Variants in FAM83D observed in about 807,000 individuals in gnomAD.
FAM83D encodes protein FAM83D.
Under a neutral mutation model 25.4 loss-of-function variants are expected in FAM83D, and 26 were observed. The observed-to-expected ratio is 1.02, with a 90% CI of 0.75 to 1.42. The LOEUF is 1.42. Among genes scored for constraint, FAM83D ranks in the 40% most tolerant of loss-of-function variants. The pLI, the probability that FAM83D is intolerant of heterozygous loss-of-function variation, is 0.00. For synonymous variants in FAM83D, 310 were observed against 318.5 expected, an observed-to-expected ratio of 0.97 and a Z score of 0.28; for missense variants, 740 against 758.1, an observed-to-expected ratio of 0.98 and a Z score of 0.28.
chr20:38,927,108 C>T (rs1040438906), intron 1 of FAM83D, among the ~76,000 whole-genome samples, 183 bp downstream of exon 1: 3 of 152,214 alleles, frequency 2.0e-5, no homozygotes, highest in Admixed American at 6.5e-5. Context: ...CCCCGGATCC[C>T]CCGGGCCGCT....
At chr20:38,945,825 CAATT>C (rs1361311793) in intron 2 of FAM83D, among the ~76,000 whole-genome samples, 2 of 141,958 alleles carry the variant, frequency 1.4e-5, no homozygotes, top group East Asian at 4.3e-4. Context: ...CTCCTGGACT[CAATT>C]GATCCTCTTG....
At position 38,931,373 on chromosome 20, in the gene FAM83D, G is replaced by A. The variant is rs190602096; in HGVS notation, c.483+4448G>A. On this transcript the variant is annotated intron_variant, in intron 1 of 3. Transcript: ENST00000619850. ...GGAGAACATAGGTCTCTGAGTTTAGGTTTTGTAAACTAGAGTGTGTTTTCC... is the reference window on the plus strand; with the variant it reads ...GGAGAACATAGGTCTCTGAGTTTAGATTTTGTAAACTAGAGTGTGTTTTCC... Among the ~76,000 whole-genome samples the A allele has an allele frequency of 9.2e-5, 14 of 152,312 alleles. No homozygotes were observed. The East Asian group carries it at 2.7e-3, about 29-fold the overall frequency.
intron 1 of FAM83D, among the ~76,000 whole-genome samples, chr20:38,933,359 T>C (rs1016568738): frequency 6.6e-6 from 1 of 152,270 alleles, no homozygotes; most frequent in African/African-American, 2.4e-5. Flanking sequence ...TGGTTGTGAA[T>C]GTAATTATTG....
Position 38,926,936 on chromosome 20 carries a change from C to T in FAM83D, c.483+11C>T. The T allele has an allele frequency of 7.0e-7, 1 of 1,437,586 alleles. No homozygotes were observed. The highest frequency in any genetic ancestry group is 1.5e-5 in the African/African-American group (1 of 67,750). The allele number at this position is 1,437,586 out of a possible 1,614,324, so 89.1% of individuals were successfully genotyped here. A position where few individuals can be genotyped will look rare whatever the true frequency, so the allele number is the denominator to read the frequency against. On this transcript the variant is annotated intron_variant, in intron 1 of 3. Coordinates refer to ENST00000619850, the MANE Select transcript of FAM83D (RefSeq NM_030919.3). Reference sequence around the variant, plus strand: ...CGCTCGGCGCGAGAGGTGAGCGGCCCTCCAGGGCCCTGGGTCGCACGGGAG... The same window carrying T: ...CGCTCGGCGCGAGAGGTGAGCGGCCTTCCAGGGCCCTGGGTCGCACGGGAG...
At chr20:38,927,816 C>T (rs1376966293) in intron 1 of FAM83D, among the ~76,000 whole-genome samples, 2 of 152,100 alleles carry the variant, frequency 1.3e-5, no homozygotes, top group Non-Finnish European at 2.9e-5. Flanking sequence ...GCTTTTTCTA[C>T]TGCCAGAGAC....
rs766046202 is a variant in FAM83D, at chr20:38,926,456, C to G, written c.14C>G (p.Ser5Cys). The G allele has an allele frequency of 7.5e-6, 12 of 1,598,742 alleles. No individual in the cohort carries two copies. Among genetic ancestry groups the G allele is most frequent in the African/African-American group, 5.4e-5 (4 of 74,676 alleles). Residue 5 changes from serine to cysteine, a missense_variant, in exon 1 of 4, where the codon TCC becomes TGC. Around this residue, in one of 3 missense-constraint regions of FAM83D, gnomAD observed 333 missense variants for 298.6 expected, o/e 1.12. Coordinates refer to ENST00000619850, the MANE Select transcript of FAM83D (RefSeq NM_030919.3). ...CCGAGCGCCGCCATGGCTCTGCTGT[C>G]CGAGGGCCTGGACGAGGTGCCCGCC... is the stretch of plus-strand genomic sequence containing the variant. Reference protein sequence around the residue: MALLSEGLDEVPAAC... With the variant: MALLCEGLDEVPAAC...
At chr20:38,946,654 T>C (rs1601336991) in intron 2 of FAM83D, among the ~76,000 whole-genome samples, 1 of 152,240 alleles carries the variant, frequency 6.6e-6, no homozygotes, top group East Asian at 1.9e-4. Context: ...GTTTACAGTC[T>C]ATTTTGTAAA....
chr20:38,938,761 C>T (rs906257944), intron 1 of FAM83D, among the ~76,000 whole-genome samples: 1 of 152,138 alleles, frequency 6.6e-6, no homozygotes, highest in Non-Finnish European at 1.5e-5. Flanking sequence ...TCTTCTGCAA[C>T]CCTCATTGCT....
At chr20:38,930,104 A>G (rs2085652833) in intron 1 of FAM83D, among the ~76,000 whole-genome samples, 1 of 152,218 alleles carries the variant, frequency 6.6e-6, no homozygotes, top group African/African-American at 2.4e-5. Context: ...CATTGTGGAC[A>G]AGGGAGTGGC....
chr20:38,929,456 G>A (rs61182164), intron 1 of FAM83D, among the ~76,000 whole-genome samples: 20,245 of 152,092 alleles, frequency 0.13, 1,418 homozygotes, highest in Middle Eastern at 0.19. Context: ...GGGTATGGGG[G>A]CTGGCCCACA....
At position 38,941,064 on chromosome 20, in the gene FAM83D, T is replaced by C. The variant is rs530408225; in HGVS notation, c.484-895T>C. 4.4e-4 allele frequency among the ~76,000 whole-genome samples: 67 copies of C among 152,322 alleles called. 1 individual carries two copies. In the South Asian group the frequency reaches 0.014, roughly 31 times the overall value. On this transcript the variant is annotated intron_variant, in intron 1 of 3. Transcript: ENST00000619850. Reference sequence around the variant, plus strand: ...TCTGATGCTAGGTGTGGAAAATCACTTGGGAGGCATGAATGGAGCCATGTT... The same window carrying C: ...TCTGATGCTAGGTGTGGAAAATCACCTGGGAGGCATGAATGGAGCCATGTT...
chr20:38,950,377 C>T (rs1215971272), intron 3 of FAM83D, among the ~76,000 whole-genome samples: 1 of 152,132 alleles, frequency 6.6e-6, no homozygotes, highest in East Asian at 1.9e-4. Context: ...ATAATGAAAG[C>T]TTTCTGGGGT....
Position 38,952,560 on chromosome 20 carries a change from A to C in FAM83D, c.*40A>C. On this transcript the variant is annotated 3_prime_UTR_variant, in exon 4 of 4. Transcript: ENST00000619850. ...GACTCCTGGTTTCTTCCAGGCTTAC[A>C]GTGGACATCATCAGCTTCCTGCTTT... 1 of 1,569,838 alleles carries C rather than the reference A, an allele frequency of 6.4e-7. No homozygotes were observed. Among genetic ancestry groups the C allele is most frequent in the Non-Finnish European group, 8.6e-7 (1 of 1,157,382 alleles).
chr20:38,943,826 G>A (rs763581887), intron 2 of FAM83D, among the ~76,000 whole-genome samples: 39 of 152,178 alleles, frequency 2.6e-4, no homozygotes, highest in Non-Finnish European at 3.8e-4. Flanking sequence ...GAGTAGCTGG[G>A]ATTACAGGTG....
intron 2 of FAM83D, among the ~76,000 whole-genome samples, chr20:38,942,577 A>G (rs2085707704): frequency 6.6e-6 from 1 of 152,242 alleles, no homozygotes; most frequent in Non-Finnish European, 1.5e-5. Context: ...ATATGATTCC[A>G]TTAAGTCAGA....
Position 38,934,005 on chromosome 20 carries a change from C to T in FAM83D, c.483+7080C>T, listed in dbSNP as rs1319103079. Among the ~76,000 whole-genome samples, 4 of 152,114 alleles carry T rather than the reference C, an allele frequency of 2.6e-5. No individual in the cohort carries two copies. The East Asian group carries it at 7.7e-4, about 29-fold the overall frequency. Reference sequence around the variant, plus strand: ...AAGTAGCTGGGACTACAGGTGCCCGCTACCACGCCCGGCTAATTTTTTTGT... The same window carrying T: ...AAGTAGCTGGGACTACAGGTGCCCGTTACCACGCCCGGCTAATTTTTTTGT... On this transcript the variant is annotated intron_variant, in intron 1 of 3. Coordinates refer to ENST00000619850, the MANE Select transcript of FAM83D (RefSeq NM_030919.3).
At chr20:38,945,745 C>G (rs1409968507) in intron 2 of FAM83D, among the ~76,000 whole-genome samples, 1 of 130,334 alleles carries the variant, frequency 7.7e-6, no homozygotes, top group Non-Finnish European at 1.6e-5. Context: ...CACCCCCCCC[C>G]CACCACCCCA....
At chr20:38,949,103 G>T (rs561575458) in intron 3 of FAM83D, among the ~76,000 whole-genome samples, 2 of 151,994 alleles carry the variant, frequency 1.3e-5, no homozygotes, top group South Asian at 2.1e-4. Flanking sequence ...ATTTGTTGAG[G>T]AGGTTTTATA....
intron 3 of FAM83D, 143 bp from the exon 4 acceptor site, chr20:38,951,396 A>G (rs889924959): frequency 1.3e-5 from 11 of 817,520 alleles, no homozygotes; most frequent in Non-Finnish European, 2.1e-5. Context: ...CTAGTTAAAT[A>G]CATGCAAATG....
Sources: gnomAD v4.1 joint callset for allele counts (sites outside exome capture counted in the v4.1 genomes callset) on GRCh38, gnomAD v4.1.1 for gene constraint, gnomAD v4.1.1 regional missense constraint, MANE v1.5 for transcripts, NCBI Gene and HGNC (gene_info 2026-07-23, HGNC 2026-07-21) for gene names.